FAM135B: variants seen among roughly 807,000 people sequenced by gnomAD.
The protein encoded by FAM135B is family with sequence similarity 135 member B.
A neutral mutation model predicts 127.7 loss-of-function variants in FAM135B; 43 were observed. That is an observed-to-expected ratio of 0.34 (90% CI 0.26 to 0.43). FAM135B has a LOEUF of 0.43. FAM135B is among the 20% of genes least tolerant of loss of function. FAM135B has a pLI of 1.00. For synonymous variants in FAM135B, 670 were observed against 665.1 expected, an observed-to-expected ratio of 1.01 and a Z score of -0.11; for missense variants, 1,558 against 1,725.6, an observed-to-expected ratio of 0.90 and a Z score of 1.72.
intron 19 of FAM135B, among the ~76,000 whole-genome samples, chr8:138,136,102 C>T (rs79977216): frequency 0.12 from 18,330 of 151,680 alleles, 1,244 homozygotes; most frequent in East Asian, 0.23. Context: ...CTTTTCATTA[C>T]ATATACTAGA....
At chr8:138,260,962 A>G (rs557761924) in intron 4 of FAM135B, among the ~76,000 whole-genome samples, 1 of 152,116 alleles carries the variant, frequency 6.6e-6, no homozygotes, top group African/African-American at 2.4e-5. Flanking sequence ...TGTCCCTGCC[A>G]GTTTCTAGCC....
intron 3 of FAM135B, among the ~76,000 whole-genome samples, chr8:138,270,481 G>C (rs1823296450): frequency 6.6e-6 from 1 of 152,192 alleles, no homozygotes; most frequent in African/African-American, 2.4e-5. Context: ...CACCTAACCT[G>C]AAACAAAGAT....
chr8:138,298,738 C>T (rs1167682465), intron 3 of FAM135B, among the ~76,000 whole-genome samples: 1 of 152,132 alleles, frequency 6.6e-6, no homozygotes, highest in Non-Finnish European at 1.5e-5. Flanking sequence ...AGGCCATAGG[C>T]TCATTTTTGA....
intron 1 of FAM135B, chr8:138,459,699 A>G (rs886309119): frequency 2.0e-5 from 3 of 152,144 alleles, no homozygotes; most frequent in Admixed American, 1.3e-4. Flanking sequence ...GGCTCAGACT[A>G]CTGCAGAAGG....
chr8:138,216,278 T>C (rs901605785), intron 7 of FAM135B, among the ~76,000 whole-genome samples: 1 of 152,240 alleles, frequency 6.6e-6, no homozygotes, highest in African/African-American at 2.4e-5. Flanking sequence ...GATAGCTAGA[T>C]AGAAGAGGAC....
chr8:138,389,993 T>C (rs910353038), intron 1 of FAM135B, among the ~76,000 whole-genome samples: 1 of 152,180 alleles, frequency 6.6e-6, no homozygotes, highest in Admixed American at 6.5e-5. Context: ...ATTACATGTG[T>C]ATGTTCTTAT....
At chr8:138,415,777 G>A (rs555577345) in intron 1 of FAM135B, among the ~76,000 whole-genome samples, 1 of 152,192 alleles carries the variant, frequency 6.6e-6, no homozygotes, top group Admixed American at 6.5e-5. Context: ...CAGCATCTGA[G>A]AATGAATGAC....
At chr8:138,287,421 A>G (rs1346995620) in intron 3 of FAM135B, among the ~76,000 whole-genome samples, 3 of 149,214 alleles carry the variant, frequency 2.0e-5, no homozygotes, top group African/African-American at 7.4e-5. Context: ...TGAAACTGAC[A>G]CTTTGAAGTA....
intron 3 of FAM135B, among the ~76,000 whole-genome samples, chr8:138,275,735 C>T (rs143807010): frequency 7.2e-5 from 11 of 152,134 alleles, no homozygotes; most frequent in South Asian, 2.1e-4. Context: ...ATAAACCAGA[C>T]GCCATTATCC....
chr8:138,327,147 T>A (rs1827842311), intron 2 of FAM135B, among the ~76,000 whole-genome samples: 1 of 152,184 alleles, frequency 6.6e-6, no homozygotes, highest in Non-Finnish European at 1.5e-5. Flanking sequence ...GTTACCTTAT[T>A]GTTCCTTTCA....
At chr8:138,465,154 A>G (rs1215861747) in intron 1 of FAM135B, among the ~76,000 whole-genome samples, 1 of 152,142 alleles carries the variant, frequency 6.6e-6, no homozygotes, top group Admixed American at 6.5e-5. Flanking sequence ...CAATGCTGGG[A>G]CCTGATTTAG....
chr8:138,178,783 T>C, intron 9 of FAM135B, 93 bp from the exon 10 acceptor site: 1 of 1,033,960 alleles, frequency 9.7e-7, no homozygotes, highest in Non-Finnish European at 1.4e-6. Context: ...TTTTCTGTTT[T>C]CAATAAAGCA....
rs372067880 is a variant in FAM135B, at chr8:138,167,953, G to A, written c.1200C>T (p.Gly400=). The change falls in exon 12 of 20, where the codon GGC becomes GGT. Residue 400 remains glycine (G), a synonymous_variant. Transcript: ENST00000395297. ...PLPAECLDID[G]DWNTLPVIFE... is the part of the protein sequence containing the mutation. ...AGATCACCGGCAGGGTGTTCCAATC[G>A]CCGTCGATGTCCAGGCACTCTGCAG... 20 of 1,613,726 alleles carry A rather than the reference G, an allele frequency of 1.2e-5. No individual in the cohort carries two copies. Among genetic ancestry groups the A allele is most frequent in the Non-Finnish European group, 1.7e-5 (20 of 1,179,892 alleles).
chr8:138,403,322 G>C (rs1013728304), intron 1 of FAM135B, among the ~76,000 whole-genome samples: 8 of 152,066 alleles, frequency 5.3e-5, no homozygotes, highest in Non-Finnish European at 1.2e-4. Flanking sequence ...TTACGTGAGA[G>C]AACCAGCCCT....
intron 3 of FAM135B, among the ~76,000 whole-genome samples, chr8:138,303,191 C>T (rs1453329499): frequency 2.6e-5 from 4 of 152,114 alleles, no homozygotes; most frequent in African/African-American, 9.7e-5. Flanking sequence ...AACCCAAATG[C>T]CCATCAATGA....
chr8:138,254,732 G>A (rs1821947615), intron 5 of FAM135B, among the ~76,000 whole-genome samples: 1 of 152,130 alleles, frequency 6.6e-6, no homozygotes, highest in Admixed American at 6.5e-5. Flanking sequence ...GTGGCCAGAG[G>A]ACTGGGGTCC....
intron 16 of FAM135B, 33 bp downstream of exon 16, chr8:138,142,979 C>A: frequency 8.7e-7 from 1 of 1,146,086 alleles, no homozygotes; most frequent in Non-Finnish European, 1.3e-6. Context: ...CCCCCTCTTC[C>A]CCCAGCATTA....
intron 1 of FAM135B, among the ~76,000 whole-genome samples, chr8:138,488,233 CCTT>C (rs1324807118): frequency 1.3e-5 from 2 of 152,108 alleles, no homozygotes; most frequent in Non-Finnish European, 2.9e-5. Flanking sequence ...CTGCATGTAT[CCTT>C]CTATTTTTTG....
chr8:138,433,959 G>A (rs948910363), intron 1 of FAM135B, among the ~76,000 whole-genome samples: 1 of 152,164 alleles, frequency 6.6e-6, no homozygotes, highest in Non-Finnish European at 1.5e-5. Flanking sequence ...AGACACAAAC[G>A]CATCCACCTT....
Sources: allele counts gnomAD v4.1 joint callset (sites outside exome capture counted in the v4.1 genomes callset), GRCh38; gene constraint gnomAD v4.1.1; transcripts MANE v1.5; gene names NCBI Gene and HGNC (gene_info 2026-07-23, HGNC 2026-07-21).